The following MFRP variants were observed in gnomAD, a reference collection of about 807,000 sequenced individuals.
The protein encoded by MFRP is C1q and TNF related 5.
In MFRP, 74 loss-of-function variants were observed where a neutral mutation model predicts 65.8. The ratio of observed to expected loss-of-function variants is 1.12; its 90% CI spans 0.93 to 1.36. The LOEUF (loss-of-function observed/expected upper bound fraction) is 1.36. Among genes scored for constraint, MFRP ranks in the 40% most tolerant of loss-of-function variants. The pLI, the probability that MFRP is intolerant of heterozygous loss-of-function variation, is 0.00. For missense variants in MFRP, 838 were observed against 736.0 expected, an observed-to-expected ratio of 1.14 and a Z score of -1.60; for synonymous variants, 336 against 288.3, an observed-to-expected ratio of 1.17 and a Z score of -1.68.
At position 119,344,980 on chromosome 11, in the gene MFRP, G is replaced by T. The variant is rs765386106; in HGVS notation, c.666C>A (p.Pro222=). ...GGTGGCTGGCATTGGTGTTGAGCGTGGGGGGAGGCACCCTTCCACAAACCC... is the reference window on the plus strand; with the variant it reads ...GGTGGCTGGCATTGGTGTTGAGCGTTGGGGGAGGCACCCTTCCACAAACCC... ...LLRVCGRVPP[P]TLNTNASHLL... Residue 222 remains proline (P), a synonymous_variant, in exon 6 of 15, where the codon CCC becomes CCA. Transcript: ENST00000619721. 30 of 1,606,960 alleles carry T rather than the reference G, an allele frequency of 1.9e-5. No homozygotes were observed. The highest frequency in any genetic ancestry group is 3.4e-5 in the Admixed American group (2 of 58,664).
rs752266854 is a variant in MFRP, at chr11:119,344,922, C to T, written c.724G>A (p.Glu242Lys). ...TACCAGGCATGGAAACCAAATCCTT[C>T]CACACTGCTGTCAGAGACGAAGACC... ...LVVFVSDSSVEGFGFHAWYQA... is the reference protein window; with the variant it reads ...LVVFVSDSSVKGFGFHAWYQA... The change falls in exon 6 of 15, where the codon GAA becomes AAA. Residue 242 changes from glutamate to lysine, a missense_variant. Glu to Lys is a moderately conservative substitution (Grantham distance 56). Coordinates refer to ENST00000619721, the MANE Select transcript of MFRP (RefSeq NM_031433.4). The T allele has an allele frequency of 9.3e-6, 15 of 1,611,798 alleles. No individual in the cohort carries two copies. The highest frequency in any genetic ancestry group is 1.3e-5 in the African/African-American group (1 of 74,934).
At position 119,341,653 on chromosome 11, in the gene MFRP, C is replaced by A. The variant is rs138370910; in HGVS notation, c.1635G>T (p.Ala545=). 1.2e-6 allele frequency: 2 copies of A among 1,612,984 alleles called. No homozygotes were observed. ...CCAGGCCAGACTGGCACTGGTGCTC[C>A]GCTTCCTGGCAGACAGAGCGGCAAG... ...LPPCRSVCQE[A]EHQCQSGLAL... is the part of the protein sequence containing the mutation. Residue 545 remains alanine, a synonymous_variant, in exon 13 of 15, where the codon GCG becomes GCT. Coordinates refer to ENST00000619721, the MANE Select transcript of MFRP (RefSeq NM_031433.4).
intron 13 of MFRP, 126 bp from the exon 14 acceptor site, chr11:119,340,566 C>A: frequency 1.4e-6 from 1 of 692,850 alleles, no homozygotes; most frequent in South Asian, 1.9e-5. Context: ...CTCGCAGGGC[C>A]GAGCATCCGG....
rs1950489495 is a variant in MFRP, at chr11:119,340,334, T to C, written c.*960A>G. 1.9e-6 allele frequency: 3 copies of C among 1,543,304 alleles called. No individual in the cohort carries two copies. The East Asian group carries it at 7.4e-5, about 38-fold the overall frequency. Reference sequence around the variant, plus strand: ...CCCGGGCAGAGGCTGGGGATCTTGTTGTCGTCCAGTGGGGGCGAGCCGGCC... The same window carrying C: ...CCCGGGCAGAGGCTGGGGATCTTGTCGTCGTCCAGTGGGGGCGAGCCGGCC... On this transcript the variant is annotated 3_prime_UTR_variant, in exon 14 of 15. Coordinates refer to ENST00000619721, the MANE Select transcript of MFRP (RefSeq NM_031433.4).
Position 119,346,360 on chromosome 11 carries a change from A to T in MFRP, c.69T>A (p.Asn23Lys), listed in dbSNP as rs770535106. Reference sequence around the variant, plus strand: ...GCCCAGACTCAGGCTCGAAGGCAGGATTGCAGAACTCGGTCTGGAAGGGGG... The same window carrying T: ...GCCCAGACTCAGGCTCGAAGGCAGGTTTGCAGAACTCGGTCTGGAAGGGGG... Reference protein sequence around the residue: ...ATESSKTEFCNPAFEPESGPP... With the variant: ...ATESSKTEFCKPAFEPESGPP... Residue 23 changes from asparagine to lysine, a missense_variant, in exon 2 of 15, where the codon AAT becomes AAA. Asn to Lys is a moderately conservative substitution (Grantham distance 94). Coordinates refer to ENST00000619721, the MANE Select transcript of MFRP (RefSeq NM_031433.4). 3.7e-6 allele frequency: 6 copies of T among 1,613,950 alleles called. No individual in the cohort carries two copies. The Admixed American group carries it at 1.0e-4, about 27-fold the overall frequency.
intron 9 of MFRP, 22 bp from the exon 10 acceptor site, chr11:119,343,025 T>A (rs769368702): frequency 1.3e-6 from 2 of 1,587,022 alleles, no homozygotes; most frequent in Admixed American, 3.6e-5. Context: ...AGACAGCTGT[T>A]CTGGGCACCA....
chr11:119,344,410 G>A lies in MFRP; in HGVS notation c.899-19C>T, dbSNP rs1183341660. Reference sequence around the variant, plus strand: ...CCACACCCTGTAGAGAGGTGGAAGGGCTCATGAGTTTGCTAGGATCTGTGC... The same window carrying A: ...CCACACCCTGTAGAGAGGTGGAAGGACTCATGAGTTTGCTAGGATCTGTGC... On this transcript the variant is annotated intron_variant, in intron 7 of 14. Transcript: ENST00000619721. The A allele has an allele frequency of 6.2e-7, 1 of 1,610,540 alleles. No homozygotes were observed. The highest frequency in any genetic ancestry group is 8.5e-7 in the Non-Finnish European group (1 of 1,177,740).
rs937108029 is a variant in MFRP, at chr11:119,342,686, A to G, written c.1297T>C (p.Cys433Arg). 1.3e-5 allele frequency: 21 copies of G among 1,612,902 alleles called. No homozygotes were observed. The highest frequency in any genetic ancestry group is 1.6e-5 in the Non-Finnish European group (19 of 1,179,806). Reference protein sequence around the residue: ...PSELSCQAGGCKGVQWMCDMW... With the variant: ...PSELSCQAGGRKGVQWMCDMW... ...TCACACATCCACTGCACACCCTTAC[A>G]CCCTCCTGCCTGGCAGGAGAGCTCA... The change falls in exon 11 of 15, where the codon TGT becomes CGT. Residue 433 changes from cysteine (C) to arginine (R), a missense_variant. Coordinates refer to ENST00000619721, the MANE Select transcript of MFRP (RefSeq NM_031433.4).
At position 119,341,844 on chromosome 11, in the gene MFRP, C is replaced by T; in HGVS notation, c.1515+13G>A. On this transcript the variant is annotated intron_variant, in intron 12 of 14. Coordinates refer to ENST00000619721, the MANE Select transcript of MFRP (RefSeq NM_031433.4). ...CCTCCCAGGCCCGCCCTCCTTCCCT[C>T]CACCCAGAAGACCTTGTAACCGCTG... The T allele has an allele frequency of 6.2e-7, 1 of 1,613,814 alleles. No homozygotes were observed. Among genetic ancestry groups the T allele is most frequent in the Non-Finnish European group, 8.5e-7 (1 of 1,179,924 alleles).
At chr11:119,343,681 T>A in intron 9 of MFRP, 135 bp downstream of exon 9, 1 of 1,096,914 alleles carries the variant, frequency 9.1e-7, no homozygotes, top group South Asian at 1.3e-5. Context: ...TTTAGGGTGA[T>A]GGTGAAGAGA....
At chr11:119,344,051 G>A in intron 8 of MFRP, 87 bp from the exon 9 acceptor site, 4 of 1,519,730 alleles carry the variant, frequency 2.6e-6, no homozygotes, top group Non-Finnish European at 3.6e-6. Flanking sequence ...CCCCACTGCT[G>A]GCTGGGGGGA....
Position 119,344,928 on chromosome 11 carries a change from T to A in MFRP, c.718A>T (p.Ser240Cys). Residue 240 changes from serine to cysteine, a missense_variant, in exon 6 of 15, where the codon AGT becomes TGT. Ser to Cys is a moderately radical substitution (Grantham distance 112). Coordinates refer to ENST00000619721, the MANE Select transcript of MFRP (RefSeq NM_031433.4). Reference protein sequence around the residue: ...HLLVVFVSDSSVEGFGFHAWY... With the variant: ...HLLVVFVSDSCVEGFGFHAWY... Reference sequence around the variant, plus strand: ...GCATGGAAACCAAATCCTTCCACACTGCTGTCAGAGACGAAGACCACCAGG... The same window carrying A: ...GCATGGAAACCAAATCCTTCCACACAGCTGTCAGAGACGAAGACCACCAGG... 1 of 1,611,676 alleles carries A rather than the reference T, an allele frequency of 6.2e-7. No individual in the cohort carries two copies. The highest frequency in any genetic ancestry group is 1.1e-5 in the South Asian group (1 of 90,684).
chr11:119,342,823 C>G, intron 10 of MFRP, 50 bp downstream of exon 10: 1 of 1,613,052 alleles, frequency 6.2e-7, no homozygotes, highest in Non-Finnish European at 8.5e-7. Flanking sequence ...CTTGTCTGTC[C>G]CCCTGGAGGT....
Position 119,341,648 on chromosome 11 carries a change from T to G in MFRP, c.1640A>C (p.His547Pro). Reference sequence around the variant, plus strand: ...TAGTGCCAGGCCAGACTGGCACTGGTGCTCCGCTTCCTGGCAGACAGAGCG... The same window carrying G: ...TAGTGCCAGGCCAGACTGGCACTGGGGCTCCGCTTCCTGGCAGACAGAGCG... ...PCRSVCQEAEHQCQSGLALLG... is the reference protein window; with the variant it reads ...PCRSVCQEAEPQCQSGLALLG... Residue 547 changes from histidine (H) to proline (P), a missense_variant, in exon 13 of 15, where the codon CAC becomes CCC. Coordinates refer to ENST00000619721, the MANE Select transcript of MFRP (RefSeq NM_031433.4). 1 of 1,612,980 alleles carries G rather than the reference T, an allele frequency of 6.2e-7. No homozygotes were observed. Among genetic ancestry groups the G allele is most frequent in the African/African-American group, 1.3e-5 (1 of 75,056 alleles).
chr11:119,346,179 G>A lies in MFRP; in HGVS notation c.158-20C>T. 1 of 1,574,812 alleles carries A rather than the reference G, an allele frequency of 6.3e-7. No homozygotes were observed. Among genetic ancestry groups the A allele is most frequent in the Non-Finnish European group, 8.6e-7 (1 of 1,159,216 alleles). ...GCCGACCTGCGGGTTGGCAGGTGGG[G>A]TTTTGAAAGCCCCTTCTGTTGGGTA... On this transcript the variant is annotated intron_variant, in intron 2 of 14. Transcript: ENST00000619721.
In MFRP at chr11:119,345,596, G is replaced by A. The variant is rs748084228; in HGVS notation, c.465C>T (p.Phe155=). 52 of 1,613,710 alleles carry A rather than the reference G, an allele frequency of 3.2e-5. No individual in the cohort carries two copies. The highest frequency in any genetic ancestry group is 4.3e-5 in the Non-Finnish European group (51 of 1,179,996). The change falls in exon 5 of 15, where the codon TTC becomes TTT. Residue 155 remains phenylalanine (F), a synonymous_variant. Transcript: ENST00000619721. ...AAGGGTCTGGGTAGTTAGGGCTGCT[G>A]AAGAAGCCCCTTGGGCCAGAGAGGA... ...GGLLSGPRGF[F]SSPNYPDPYP...
intron 14 of MFRP, 82 bp downstream of exon 14, chr11:119,340,102 C>T (rs1192686847): frequency 7.7e-6 from 11 of 1,429,858 alleles, no homozygotes; most frequent in Non-Finnish European, 9.2e-6. Context: ...GCGGGAGACC[C>T]GAGTCCCGGA....
At chr11:119,344,110 C>G in intron 8 of MFRP, 146 bp from the exon 9 acceptor site, 1 of 1,165,734 alleles carries the variant, frequency 8.6e-7, no homozygotes, top group Non-Finnish European at 1.2e-6. Context: ...TTTAATTTAC[C>G]TGGTTTCAGA....
intron 13 of MFRP, 88 bp downstream of exon 13, chr11:119,340,607 C>T (rs1444850194): frequency 1.4e-5 from 8 of 567,646 alleles, no homozygotes; most frequent in Non-Finnish European, 2.4e-5. Context: ...AGGGTGGGAG[C>T]GGCCAGCCCT....
Sources: gnomAD v4.1 joint callset for allele counts on GRCh38, gnomAD v4.1.1 for gene constraint, MANE v1.5 for transcripts, NCBI Gene and HGNC (gene_info 2026-07-23, HGNC 2026-07-21) for gene names.